The following ZNF423 variants were observed in gnomAD, a reference collection of about 807,000 sequenced individuals.
The protein encoded by ZNF423 is zinc finger protein 423.
A neutral mutation model predicts 95.8 loss-of-function variants in ZNF423; 12 were observed. The observed-to-expected ratio is 0.13, with a 90% CI of 0.08 to 0.20. The LOEUF is 0.20. Ranked by LOEUF, ZNF423 falls within the 10% of genes least tolerant of loss-of-function variation. The pLI is 1.00. For synonymous variants in ZNF423, 749 were observed against 711.9 expected, an observed-to-expected ratio of 1.05 and a Z score of -0.83; for missense variants, 1,316 against 1,737.1, an observed-to-expected ratio of 0.76 and a Z score of 4.31.
intron 3 of ZNF423, among the ~76,000 whole-genome samples, chr16:49,724,057 C>T (rs1176913272): frequency 6.6e-6 from 1 of 152,168 alleles, no homozygotes; most frequent in Non-Finnish European, 1.5e-5. Flanking sequence ...CTTACCATTG[C>T]TTTCATTAGC....
At chr16:49,813,950 C>T (rs1212692826) in intron 1 of ZNF423, among the ~76,000 whole-genome samples, 1 of 152,156 alleles carries the variant, frequency 6.6e-6, no homozygotes, top group Non-Finnish European at 1.5e-5. Context: ...CAGGTGGGCT[C>T]CTGCAGAAGA....
intron 1 of ZNF423, among the ~76,000 whole-genome samples, chr16:49,842,123 A>T (rs2035188212): frequency 6.6e-6 from 1 of 150,882 alleles, no homozygotes. Context: ...CTGTAATCCC[A>T]GCTACTCGGG....
chr16:49,751,162 A>C (rs1271796544), intron 2 of ZNF423, among the ~76,000 whole-genome samples: 1 of 152,208 alleles, frequency 6.6e-6, no homozygotes, highest in Non-Finnish European at 1.5e-5. Flanking sequence ...CTCATGTCAC[A>C]TACAAGACTG....
At chr16:49,731,742 C>T (rs967261371) in intron 2 of ZNF423, among the ~76,000 whole-genome samples, 8 of 151,920 alleles carry the variant, frequency 5.3e-5, no homozygotes, top group South Asian at 2.1e-4. Context: ...ACCAGGAGTT[C>T]GAGGTTACGG....
chr16:49,557,855 TG>T (rs1416142655), intron 5 of ZNF423, among the ~76,000 whole-genome samples: 1 of 152,090 alleles, frequency 6.6e-6, no homozygotes, highest in East Asian at 1.9e-4. Flanking sequence ...TGCAAGGAAG[TG>T]ATCAATTCAA....
At chr16:49,716,670 G>A (rs2032716540) in intron 3 of ZNF423, among the ~76,000 whole-genome samples, 1 of 152,120 alleles carries the variant, frequency 6.6e-6, no homozygotes, top group Admixed American at 6.5e-5. Context: ...AAATTTCCTT[G>A]CTCTTTTCCT....
intron 2 of ZNF423, among the ~76,000 whole-genome samples, chr16:49,786,093 C>G (rs1477226381): frequency 6.6e-6 from 1 of 152,216 alleles, no homozygotes; most frequent in Non-Finnish European, 1.5e-5. Context: ...CATTAGCAGC[C>G]CCATTCACCA....
intron 7 of ZNF423, among the ~76,000 whole-genome samples, chr16:49,498,229 C>T (rs1967240509): frequency 6.6e-6 from 1 of 152,218 alleles, no homozygotes; most frequent in South Asian, 2.1e-4. Context: ...TACTCTCATC[C>T]TCCCTATTTT....
chr16:49,594,619 A>G (rs558142958), intron 5 of ZNF423, among the ~76,000 whole-genome samples: 1 of 152,316 alleles, frequency 6.6e-6, no homozygotes, highest in African/African-American at 2.4e-5. Flanking sequence ...GACCACAAAC[A>G]CACTCAAAGA....
At chr16:49,838,463 G>T (rs2035144751) in intron 1 of ZNF423, among the ~76,000 whole-genome samples, 2 of 152,190 alleles carry the variant, frequency 1.3e-5, no homozygotes, top group African/African-American at 4.8e-5. Flanking sequence ...TGCGCTCAGC[G>T]GCATTACGTG....
chr16:49,772,387 T>C (rs1314315212), intron 2 of ZNF423, among the ~76,000 whole-genome samples: 1 of 152,236 alleles, frequency 6.6e-6, no homozygotes, highest in Non-Finnish European at 1.5e-5. Context: ...CCGAAATACC[T>C]GCACAGTCAC....
intron 5 of ZNF423, among the ~76,000 whole-genome samples, chr16:49,597,343 G>T (rs907186236): frequency 1.3e-5 from 2 of 152,060 alleles, no homozygotes; most frequent in African/African-American, 4.8e-5. Context: ...AAATGGGGTG[G>T]GTCTACCCTG....
chr16:49,562,413 G>A (rs754056187), intron 5 of ZNF423, among the ~76,000 whole-genome samples: 11 of 152,214 alleles, frequency 7.2e-5, no homozygotes, highest in Non-Finnish European at 1.2e-4. Context: ...ATGAGATCAT[G>A]TAGGTAAAGT....
At chr16:49,511,035 G>A (rs1409212162) in intron 7 of ZNF423, among the ~76,000 whole-genome samples, 2 of 152,214 alleles carry the variant, frequency 1.3e-5, no homozygotes, top group African/African-American at 4.8e-5. Flanking sequence ...GCTGGGCCTT[G>A]AGGGGAGGCC....
intron 3 of ZNF423, among the ~76,000 whole-genome samples, chr16:49,677,276 G>GAGAAGAGAAT (rs2031115318): frequency 1.3e-5 from 1 of 77,018 alleles, no homozygotes; most frequent in African/African-American, 4.9e-5. Flanking sequence ...GAGAAGAGAA[G>GAGAAGAGAAT]AGAAGAGAAG....
chr16:49,589,471 T>C lies in ZNF423; in HGVS notation c.3601+36699A>G, dbSNP rs181924790. ...GTCTAGCTGTGTGCATTTTGCTCAG[T>C]ATTAACATGTTCAATGGAGTACTTT... On this transcript the variant is annotated intron_variant, in intron 5 of 7. Transcript: ENST00000563137. Among the ~76,000 whole-genome samples the C allele has an allele frequency of 7.2e-4, 110 of 152,036 alleles. 1 individual carries two copies. Among genetic ancestry groups the C allele is most frequent in the African/African-American group, 2.6e-3 (106 of 41,384 alleles).
At chr16:49,587,156 C>T (rs377405725) in intron 5 of ZNF423, among the ~76,000 whole-genome samples, 1 of 152,168 alleles carries the variant, frequency 6.6e-6, no homozygotes, top group Non-Finnish European at 1.5e-5. Flanking sequence ...GGGTGTGTAA[C>T]GTCTTGAGGG....
intron 3 of ZNF423, among the ~76,000 whole-genome samples, chr16:49,670,067 A>C (rs1391131973): frequency 6.6e-6 from 1 of 152,118 alleles, no homozygotes; most frequent in Non-Finnish European, 1.5e-5. Flanking sequence ...GAACAGAGGA[A>C]AAAAGGCCAA....
intron 2 of ZNF423, among the ~76,000 whole-genome samples, chr16:49,776,512 A>G (rs1186057249): frequency 6.6e-6 from 1 of 152,198 alleles, no homozygotes; most frequent in Admixed American, 6.5e-5. Flanking sequence ...CCAAGAGGCC[A>G]CTGGGAGCTC....
Sources: gnomAD v4.1 joint callset for allele counts (sites outside exome capture counted in the v4.1 genomes callset) on GRCh38, gnomAD v4.1.1 for gene constraint, MANE v1.5 for transcripts, NCBI Gene and HGNC (gene_info 2026-07-23, HGNC 2026-07-21) for gene names.